E2F3: variants seen among roughly 807,000 people sequenced by gnomAD.
E2F3 encodes E2F transcription factor 3, also known as transcription factor E2F3.
A neutral mutation model predicts 44.4 loss-of-function variants in E2F3; 11 were observed. The ratio of observed to expected loss-of-function variants is 0.25; its 90% CI spans 0.16 to 0.41. E2F3 has a LOEUF of 0.41. E2F3 is among the 10% of genes least tolerant of loss of function. E2F3 has a pLI of 1.00. For synonymous variants in E2F3, 249 were observed against 253.0 expected (o/e 0.98, Z 0.15); for missense variants, 487 against 583.6 (o/e 0.83, Z 1.70).
rs571757659 is a variant in E2F3, at chr6:20,484,137, C to T, written c.884+1217C>T. ...TGGTTACATGTGATTGGCAGCCTTC[C>T]GGGACATGTGGCTTATGGCATTGTC... is the stretch of plus-strand genomic sequence containing the variant. On this transcript the variant is annotated intron_variant, in intron 4 of 6. Coordinates refer to ENST00000346618, the MANE Select transcript of E2F3 (RefSeq NM_001949.5). 1.2e-4 allele frequency among the ~76,000 whole-genome samples: 18 copies of T among 152,214 alleles called. 1 individual carries two copies. The South Asian group carries it at 3.1e-3, about 26-fold the overall frequency.
intron 1 of E2F3, among the ~76,000 whole-genome samples, chr6:20,444,629 A>G (rs1201702910): frequency 2.0e-5 from 3 of 152,206 alleles, no homozygotes; most frequent in Non-Finnish European, 2.9e-5. Context: ...AAATGAAGAA[A>G]ATTAGCATGG....
At chr6:20,472,068 A>ACACACACACACT (rs1320530650) in intron 1 of E2F3, among the ~76,000 whole-genome samples, 1 of 147,630 alleles carries the variant, frequency 6.8e-6, no homozygotes, top group African/African-American at 2.5e-5. Context: ...ACACACACAC[A>ACACACACACACT]CTCACATCTA....
At chr6:20,443,822 T>G (rs1053991495) in intron 1 of E2F3, among the ~76,000 whole-genome samples, 3 of 152,184 alleles carry the variant, frequency 2.0e-5, no homozygotes, top group Non-Finnish European at 4.4e-5. Context: ...TGTGTGTGTC[T>G]GTACTGCATG....
chr6:20,440,029 A>T (rs796858143), intron 1 of E2F3: 1 of 152,228 alleles, frequency 6.6e-6, no homozygotes, highest in Admixed American at 6.5e-5. Flanking sequence ...CCCTGCCAGG[A>T]CTTCCTCATC....
intron 1 of E2F3, among the ~76,000 whole-genome samples, chr6:20,422,088 T>A (rs983103164): frequency 6.6e-6 from 1 of 152,264 alleles, no homozygotes; most frequent in Admixed American, 6.5e-5. Context: ...CTGTTTCATC[T>A]ACATTGAAGA....
chr6:20,442,386 C>T (rs1760806805), intron 1 of E2F3, among the ~76,000 whole-genome samples: 1 of 152,204 alleles, frequency 6.6e-6, no homozygotes, highest in South Asian at 2.1e-4. Flanking sequence ...AGGAGAGGCT[C>T]CTCACATGTC....
Position 20,458,541 on chromosome 6 carries a change from C to G in E2F3, c.394-21305C>G, listed in dbSNP as rs946958534. Among the ~76,000 whole-genome samples, 4 of 152,196 alleles carry G rather than the reference C, an allele frequency of 2.6e-5. No individual in the cohort carries two copies. In the East Asian group the frequency reaches 7.7e-4, roughly 29 times the overall value. On this transcript the variant is annotated intron_variant, in intron 1 of 6. Coordinates refer to ENST00000346618, the MANE Select transcript of E2F3 (RefSeq NM_001949.5). ...CTTGCCGGTGGACCTTGGAGATAAG[C>G]TTCTATTCTTGGTTGTTTTTAAGAA...
chr6:20,408,119 T>A (rs1357859626), intron 1 of E2F3, among the ~76,000 whole-genome samples: 2 of 152,266 alleles, frequency 1.3e-5, no homozygotes, highest in African/African-American at 4.8e-5. Context: ...AAGCATTTTT[T>A]CTACTAATCA....
chr6:20,493,527 T>C lies in E2F3; in HGVS notation c.*3097T>C, dbSNP rs967002994. ...ATCAGTTTAGCTTTGTGTTGTATGC[T>C]AGTTTAAAAAAGAAAATATGTAATA... On this transcript the variant is annotated 3_prime_UTR_variant, in exon 7 of 7. Coordinates refer to ENST00000346618, the MANE Select transcript of E2F3 (RefSeq NM_001949.5). The C allele has an allele frequency of 9.1e-6, 2 of 219,248 alleles. No homozygotes were observed. Among genetic ancestry groups the C allele is most frequent in the African/African-American group, 4.5e-5 (2 of 44,440 alleles). The allele number at this position is 219,248 out of a possible 1,614,324, so 13.6% of individuals were successfully genotyped here.
intron 1 of E2F3, among the ~76,000 whole-genome samples, chr6:20,431,573 G>A (rs1026354473): frequency 2.6e-5 from 4 of 152,038 alleles, no homozygotes; most frequent in African/African-American, 9.7e-5. Flanking sequence ...TGGATAAATG[G>A]CCCTACTTCC....
chr6:20,487,880 C>A (rs898732677), intron 5 of E2F3, among the ~76,000 whole-genome samples: 6 of 152,202 alleles, frequency 3.9e-5, no homozygotes, highest in African/African-American at 1.4e-4. Context: ...ATGTGACTCT[C>A]TTCCAATAAA....
chr6:20,468,948 A>C (rs1339826369), intron 1 of E2F3, among the ~76,000 whole-genome samples: 1 of 152,200 alleles, frequency 6.6e-6, no homozygotes, highest in Non-Finnish European at 1.5e-5. Flanking sequence ...ACAGCCATGC[A>C]GCAGACCTGG....
At chr6:20,423,060 C>T (rs1268035831) in intron 1 of E2F3, among the ~76,000 whole-genome samples, 1 of 152,114 alleles carries the variant, frequency 6.6e-6, no homozygotes, top group Non-Finnish European at 1.5e-5. Context: ...TTGTTTTGCC[C>T]AAGCCTATTA....
At chr6:20,465,108 G>A (rs930559473) in intron 1 of E2F3, among the ~76,000 whole-genome samples, 30 of 152,130 alleles carry the variant, frequency 2.0e-4, no homozygotes, top group African/African-American at 4.1e-4. Flanking sequence ...CTCCCATATC[G>A]AGGAGTCCCA....
intron 1 of E2F3, among the ~76,000 whole-genome samples, chr6:20,457,409 T>G (rs1437525191): frequency 6.8e-6 from 1 of 146,632 alleles, no homozygotes; most frequent in Non-Finnish European, 1.5e-5. Context: ...GGCTGCTCGA[T>G]CTCTTGACCT....
chr6:20,482,754 G>A lies in E2F3; in HGVS notation c.726-8G>A, dbSNP rs770266121. 6.3e-7 allele frequency: 1 copy of A among 1,592,776 alleles called. No individual in the cohort carries two copies. Among genetic ancestry groups the A allele is most frequent in the Non-Finnish European group, 8.5e-7 (1 of 1,170,016 alleles). Reference sequence around the variant, plus strand: ...GTAGCCATGAAGAGTCTGTGTTTGGGTTTCTAGGGGCTGCAGTCTGTCTGA... The same window carrying A: ...GTAGCCATGAAGAGTCTGTGTTTGGATTTCTAGGGGCTGCAGTCTGTCTGA... On this transcript the variant is annotated splice_region_variant and splice_polypyrimidine_tract_variant and intron_variant, in intron 3 of 6. Transcript: ENST00000346618.
chr6:20,488,975 G>C (rs1762479565), intron 6 of E2F3, among the ~76,000 whole-genome samples: 1 of 152,082 alleles, frequency 6.6e-6, no homozygotes, highest in African/African-American at 2.4e-5. Context: ...CCTGGTGACA[G>C]AGTGAGACTC....
chr6:20,418,454 C>T (rs1759921291), intron 1 of E2F3, among the ~76,000 whole-genome samples: 1 of 152,166 alleles, frequency 6.6e-6, no homozygotes, highest in Non-Finnish European at 1.5e-5. Context: ...AGGGAGATCT[C>T]AATAGGAGTA....
intron 1 of E2F3, among the ~76,000 whole-genome samples, chr6:20,423,705 G>A (rs539627981): frequency 1.3e-5 from 2 of 151,910 alleles, no homozygotes; most frequent in African/African-American, 4.8e-5. Flanking sequence ...TCCTCACGTC[G>A]TGATCTGCCT....
Sources: allele counts gnomAD v4.1 joint callset (sites outside exome capture counted in the v4.1 genomes callset), GRCh38; gene constraint gnomAD v4.1.1; transcripts MANE v1.5; gene names NCBI Gene and HGNC (gene_info 2026-07-23, HGNC 2026-07-21).